MGAM: variants seen among roughly 807,000 people sequenced by gnomAD.
MGAM encodes alpha-1,4-glucosidase.
MGAM carries 253 observed loss-of-function variants against 358.8 expected under a neutral mutation model. That is an observed-to-expected ratio of 0.71 (90% confidence interval 0.64 to 0.78). MGAM has a LOEUF of 0.78. Among genes scored for constraint, MGAM ranks in the 30% least tolerant of loss-of-function variants. The pLI is 0.00. For missense variants in MGAM, 3,080 were observed against 3,432.6 expected, an observed-to-expected ratio of 0.90 and a Z score of 2.57; for synonymous variants, 1,105 against 1,227.1, an observed-to-expected ratio of 0.90 and a Z score of 2.08.
chr7:142,027,779 C>T, intron 10 of MGAM, 44 bp downstream of exon 10: 1 of 1,460,210 alleles, frequency 6.8e-7, no homozygotes, highest in Middle Eastern at 1.8e-4. Context: ...AAGAAATTCC[C>T]TTGAAGAAAA....
rs546865280 is a variant in MGAM, at chr7:142,097,191, C to A, written c.7693-402C>A. Among the ~76,000 whole-genome samples, 8 of 152,210 alleles carry A rather than the reference C, an allele frequency of 5.3e-5. No individual in the cohort carries two copies. In the East Asian group the frequency reaches 1.6e-3, roughly 29 times the overall value. ...TGACCTCATGATCCGCCTGACTCGG[C>A]CTCCCAAAGTGCTGAGATGACAGAC... On this transcript the variant is annotated intron_variant, in intron 65 of 70. Coordinates refer to ENST00000475668, the MANE Select transcript of MGAM (RefSeq NM_001365693.1).
chr7:142,048,304 A>G (rs576759284), intron 22 of MGAM, among the ~76,000 whole-genome samples: 1 of 151,762 alleles, frequency 6.6e-6, no homozygotes, highest in African/African-American at 2.4e-5. Context: ...GCCTACCACC[A>G]TGCCTGGCTA....
intron 28 of MGAM, 85 bp downstream of exon 28, chr7:142,055,811 A>C (rs967056659): frequency 6.3e-7 from 1 of 1,583,284 alleles, no homozygotes; most frequent in Non-Finnish European, 8.6e-7. Flanking sequence ...CCCAAACTCC[A>C]CTTGGTCATC....
intron 34 of MGAM, among the ~76,000 whole-genome samples, 162 bp downstream of exon 34, chr7:142,060,535 G>T (rs1264253443): frequency 2.6e-5 from 4 of 152,216 alleles, no homozygotes; most frequent in African/African-American, 9.6e-5. Context: ...TTACTTTATA[G>T]GTAGTCATAC....
At chr7:142,099,111 C>T (rs1816212998) in intron 66 of MGAM, among the ~76,000 whole-genome samples, 1 of 152,192 alleles carries the variant, frequency 6.6e-6, no homozygotes, top group Non-Finnish European at 1.5e-5. Flanking sequence ...ATTTTGCCTA[C>T]CAGGGGACAT....
At chr7:142,075,861 G>A (rs565151931) in intron 45 of MGAM, among the ~76,000 whole-genome samples, 3 of 145,746 alleles carry the variant, frequency 2.1e-5, no homozygotes, top group African/African-American at 7.3e-5. Flanking sequence ...AACCATTATG[G>A]AAAATAGAAT....
chr7:142,030,641 G>A lies in MGAM; in HGVS notation c.1354G>A (p.Asp452Asn), dbSNP rs782223084. The A allele has an allele frequency of 6.2e-7, 1 of 1,610,270 alleles. No individual in the cohort carries two copies. Among genetic ancestry groups the A allele is most frequent in the South Asian group, 1.1e-5 (1 of 91,008 alleles). Residue 452 changes from aspartate to asparagine, a missense_variant and splice_region_variant, in exon 12 of 71, where the codon GAT becomes AAT. By Grantham distance (23) the Asp-to-Asn change is conservative (BLOSUM62 1). Around this residue, in one of 5 missense-constraint regions of MGAM, gnomAD observed 1,816 missense variants for 1,840.5 expected, o/e 0.99. Coordinates refer to ENST00000475668, the MANE Select transcript of MGAM (RefSeq NM_001365693.1). ...TTCATTGTATTCTTCCTATTTTTAG[G>A]ATCCAGCCATCTCCAACAACTCTTC... ...NNGQKLVIIV[D>N]PAISNNSSSS... is the part of the protein sequence containing the mutation.
intron 57 of MGAM, among the ~76,000 whole-genome samples, chr7:142,088,118 G>A (rs1814924087): frequency 6.8e-6 from 1 of 146,272 alleles, no homozygotes; most frequent in African/African-American, 2.4e-5. Flanking sequence ...GATAGGGTAG[G>A]GAGAACAGAT....
At position 142,014,527 on chromosome 7, in the gene MGAM, A is replaced by G. The variant is rs185829778; in HGVS notation, c.328-4672A>G. The stretch of plus-strand genomic sequence containing the variant: ...TATTTAAGATATACAAAAATATATA[A>G]CCATTATCCAGCTTAAGAAATAAAA... On this transcript the variant is annotated intron_variant, in intron 3 of 70. Coordinates refer to ENST00000475668, the MANE Select transcript of MGAM (RefSeq NM_001365693.1). Among the ~76,000 whole-genome samples, 1,292 of 152,252 alleles carry G rather than the reference A, an allele frequency of 8.5e-3. 21 individuals are homozygous for G. The highest frequency in any genetic ancestry group is 0.029 in the African/African-American group (1,217 of 41,568).
intron 1 of MGAM, among the ~76,000 whole-genome samples, chr7:141,996,951 T>A (rs1554779): frequency 0.14 from 21,432 of 151,942 alleles, 3,184 homozygotes; most frequent in African/African-American, 0.37. Context: ...GATAAATTGT[T>A]GTTGGCCCTT....
In MGAM at chr7:142,065,354, G is replaced by A; in HGVS notation, c.4504G>A (p.Gly1502Arg). The A allele has an allele frequency of 6.2e-7, 1 of 1,609,740 alleles. No individual in the cohort carries two copies. The highest frequency in any genetic ancestry group is 8.5e-7 in the Non-Finnish European group (1 of 1,178,392). ...AAGCAGAGCCGTGCAGGAGGTGACG[G>A]GACAGCGAGGGGTCGTCATCACCCG... ...PTYEAVQEVT[G>R]QRGVVITRST... The change falls in exon 38 of 71, where the codon GGA becomes AGA. Residue 1502 changes from glycine to arginine, a missense_variant. Physicochemically the swap from Gly to Arg is moderately radical, Grantham distance 125. Around this residue, in one of 5 missense-constraint regions of MGAM, gnomAD observed 134 missense variants for 198.4 expected, o/e 0.68. Transcript: ENST00000475668.
At chr7:142,013,125 T>C (rs936418531) in intron 3 of MGAM, among the ~76,000 whole-genome samples, 12 of 150,792 alleles carry the variant, frequency 8.0e-5, no homozygotes, top group African/African-American at 3.0e-4. Flanking sequence ...GAGGAATGCT[T>C]ATTTTTTTTT....
At chr7:141,987,892 C>T (rs1290048871) in intron 2 of MGAM, among the ~76,000 whole-genome samples, 1 of 152,134 alleles carries the variant, frequency 6.6e-6, no homozygotes, top group Non-Finnish European at 1.5e-5. Flanking sequence ...TGACCTTTAG[C>T]AACTCATTTC....
At chr7:142,012,092 CA>C (rs1805644672) in intron 3 of MGAM, among the ~76,000 whole-genome samples, 1 of 152,146 alleles carries the variant, frequency 6.6e-6, no homozygotes, top group Non-Finnish European at 1.5e-5. Flanking sequence ...CAAGTGCTTT[CA>C]ACTTCTAAAA....
chr7:142,015,591 A>G (rs1805904366), intron 3 of MGAM, among the ~76,000 whole-genome samples: 1 of 151,816 alleles, frequency 6.6e-6, no homozygotes, highest in South Asian at 2.1e-4. Context: ...TACCGAGACA[A>G]TATTTTGTCT....
intron 56 of MGAM, 66 bp downstream of exon 56, chr7:142,086,394 C>T (rs112814590): frequency 0.012 from 14,346 of 1,209,938 alleles, 1,611 homozygotes; most frequent in South Asian, 0.098. Context: ...GAGGGTCACA[C>T]GCCTGTGTAT....
chr7:142,030,548 C>T (rs1554462969), intron 11 of MGAM, 55 bp downstream of exon 11: 4 of 1,609,130 alleles, frequency 2.5e-6, no homozygotes, highest in East Asian at 2.2e-5. Context: ...GTATCATACA[C>T]CCATCTCTCC....
chr7:142,021,824 T>C, intron 6 of MGAM, 87 bp downstream of exon 6: 1 of 1,396,474 alleles, frequency 7.2e-7, no homozygotes, highest in Non-Finnish European at 1.0e-6. Flanking sequence ...TTCAACAATA[T>C]TCCTGAAGGT....
chr7:141,989,256 C>T (rs1803836861), intron 2 of MGAM, among the ~76,000 whole-genome samples: 1 of 152,030 alleles, frequency 6.6e-6, no homozygotes, highest in African/African-American at 2.4e-5. Flanking sequence ...GGTTGAGGAA[C>T]TGGAGGAATA....
Sources: allele counts gnomAD v4.1 joint callset (sites outside exome capture counted in the v4.1 genomes callset), GRCh38; gene constraint gnomAD v4.1.1; regional missense constraint gnomAD v4.1.1; transcripts MANE v1.5; gene names NCBI Gene and HGNC (gene_info 2026-07-23, HGNC 2026-07-21).